CACNA1B: variants seen among roughly 807,000 people sequenced by gnomAD.
The protein encoded by CACNA1B is calcium voltage-gated channel subunit alpha1 B.
CACNA1B carries 70 observed loss-of-function variants against 247.2 expected under a neutral mutation model. That is an observed-to-expected ratio of 0.28 (90% CI 0.23 to 0.35). The LOEUF (loss-of-function observed/expected upper bound fraction) is 0.35, where lower values mean the gene tolerates loss of function less well. Ranked by LOEUF, CACNA1B falls within the 10% of genes least tolerant of loss-of-function variation. The pLI is 1.00. For synonymous variants in CACNA1B, 1,231 were observed against 1,294.4 expected, an observed-to-expected ratio of 0.95 and a Z score of 1.05; for missense variants, 2,367 against 3,197.4, an observed-to-expected ratio of 0.74 and a Z score of 6.26.
At chr9:138,083,499 C>T (rs1478736112) in intron 36 of CACNA1B, among the ~76,000 whole-genome samples, 1 of 150,766 alleles carries the variant, frequency 6.6e-6, no homozygotes, top group African/African-American at 2.5e-5. Context: ...CCCTGCATCC[C>T]AGGAAATGGT....
rs917277334 is a variant in CACNA1B at position 137,986,715 on chromosome 9, G to T, written c.1902-67G>T. 12 of 1,430,950 alleles carry T rather than the reference G, an allele frequency of 8.4e-6. No homozygotes were observed. Among genetic ancestry groups the T allele is most frequent in the African/African-American group, 1.4e-5 (1 of 71,144 alleles). 88.6% of individuals were successfully genotyped at this position (1,430,950 alleles called of 1,614,324 possible). ...GAAGCGAGCAGGTTGAGGCCACGCTGGAGCCTGCAGGCGCTGCCTCGCTGC... is the reference window on the plus strand; with the variant it reads ...GAAGCGAGCAGGTTGAGGCCACGCTTGAGCCTGCAGGCGCTGCCTCGCTGC... On this transcript the variant is annotated intron_variant, in intron 14 of 46. Transcript: ENST00000371372. The surrounding 1 kb of genome is among the most constrained non-coding windows in gnomAD (Gnocchi z 6.0).
intron 40 of CACNA1B, 54 bp downstream of exon 40, chr9:138,112,559 G>C: frequency 8.3e-7 from 1 of 1,202,722 alleles, no homozygotes; most frequent in Non-Finnish European, 1.2e-6. Flanking sequence ...GTCCCACCCA[G>C]AGTGGCTGGA....
At chr9:138,016,573 G>T (rs987721770) in intron 18 of CACNA1B, among the ~76,000 whole-genome samples, 5 of 152,306 alleles carry the variant, frequency 3.3e-5, no homozygotes, top group Non-Finnish European at 7.4e-5. Context: ...AGGTGGGTTC[G>T]GCAGCAGGGA....
chr9:138,023,098 G>A lies in CACNA1B; in HGVS notation c.2355G>A (p.Glu785=). The change falls in exon 19 of 47, where the codon GAG becomes GAA. Residue 785 remains glutamate (E), a synonymous_variant. Coordinates refer to ENST00000371372, the MANE Select transcript of CACNA1B (RefSeq NM_000718.4). ...TGCAGAACCTGCGGGCCAGCTGCGA[G>A]GCGCTGTACAGCGAGATGGACCCCG... ...LRLQNLRASC[E]ALYSEMDPEE... is the part of the protein sequence containing the mutation. 2 of 1,532,484 alleles carry A rather than the reference G, an allele frequency of 1.3e-6. No homozygotes were observed. The highest frequency in any genetic ancestry group is 1.4e-5 in the African/African-American group (1 of 71,504). 94.9% of individuals were successfully genotyped at this position (1,532,484 alleles called of 1,614,324 possible).
chr9:138,039,979 A>G (rs989546631), intron 20 of CACNA1B, among the ~76,000 whole-genome samples: 9 of 152,164 alleles, frequency 5.9e-5, no homozygotes, highest in African/African-American at 2.2e-4. Context: ...GTTTTGTTAC[A>G]TTAGATCTAT....
At chr9:137,911,714 C>T (rs1306239134) in intron 3 of CACNA1B, among the ~76,000 whole-genome samples, 4 of 152,174 alleles carry the variant, frequency 2.6e-5, no homozygotes, top group Admixed American at 6.5e-5. Flanking sequence ...CCACTGTGCC[C>T]GGCCGATATT....
chr9:137,960,219 G>C (rs896327877), intron 10 of CACNA1B, among the ~76,000 whole-genome samples: 2 of 145,542 alleles, frequency 1.4e-5, no homozygotes, highest in Non-Finnish European at 3.0e-5. Context: ...AGGGAAGGTC[G>C]GCCGGAGGGA....
At chr9:138,084,938 C>A (rs1382757652) in intron 36 of CACNA1B, among the ~76,000 whole-genome samples, 2 of 145,678 alleles carry the variant, frequency 1.4e-5, no homozygotes, top group African/African-American at 5.2e-5. Context: ...GGTGACAGAG[C>A]GAGACTCCAT....
rs185109076 is a variant in CACNA1B, at chr9:138,049,324, C to T, written c.3710+9C>T. The T allele has an allele frequency of 5.2e-6, 8 of 1,534,894 alleles. No homozygotes were observed. Among genetic ancestry groups the T allele is most frequent in the African/African-American group, 1.4e-5 (1 of 73,436 alleles). The stretch of plus-strand genomic sequence containing the variant: ...GTGGCGTTTGCTTTCTCGTAAGTAA[C>T]GTTCGCTCTGCTCTGGCTAGGGAGA... On this transcript the variant is annotated intron_variant, in intron 24 of 46. Coordinates refer to ENST00000371372, the MANE Select transcript of CACNA1B (RefSeq NM_000718.4).
At chr9:137,934,429 A>G (rs1197642847) in intron 6 of CACNA1B, among the ~76,000 whole-genome samples, 1 of 152,252 alleles carries the variant, frequency 6.6e-6, no homozygotes, top group African/African-American at 2.4e-5. Flanking sequence ...GACGGGAGGC[A>G]GGACTAGATT....
intron 3 of CACNA1B, among the ~76,000 whole-genome samples, chr9:137,894,557 C>T (rs987624219): frequency 2.3e-4 from 35 of 152,004 alleles, no homozygotes; most frequent in African/African-American, 7.2e-4. Flanking sequence ...TGCAGGCGCC[C>T]GCCACCACGC....
At chr9:137,980,903 T>C (rs764796644) in intron 12 of CACNA1B, among the ~76,000 whole-genome samples, 29 of 152,256 alleles carry the variant, frequency 1.9e-4, no homozygotes, top group Admixed American at 1.3e-4. Flanking sequence ...TCCAATCCAC[T>C]GTTAACTGGC....
intron 37 of CACNA1B, among the ~76,000 whole-genome samples, chr9:138,101,443 G>A (rs1042577127): frequency 6.6e-6 from 1 of 152,252 alleles, no homozygotes; most frequent in South Asian, 2.1e-4. Context: ...AGCTAGCTGG[G>A]TGGGAGATGG....
intron 32 of CACNA1B, among the ~76,000 whole-genome samples, chr9:138,070,899 C>A (rs545891637): frequency 6.6e-6 from 1 of 152,264 alleles, no homozygotes; most frequent in African/African-American, 2.4e-5. Context: ...TTTTTCTGCA[C>A]CTGCTGGGCC....
chr9:138,025,107 C>T lies in CACNA1B; in HGVS notation c.3221C>T (p.Pro1074Leu), dbSNP rs190549473. The T allele has an allele frequency of 1.2e-5, 20 of 1,613,482 alleles. No individual in the cohort carries two copies. The African/African-American group carries it at 2.1e-4, about 17-fold the overall frequency. ...VTRMGSQPPD[P>L]NTIVHIPVML... is the part of the protein sequence containing the mutation. The stretch of plus-strand genomic sequence containing the variant: ...CGCATGGGCAGTCAGCCCCCAGACC[C>T]GAACACTATTGTACATATCCCAGTG... The change falls in exon 20 of 47, where the codon CCG (proline) becomes CTG (leucine). Residue 1074 changes from proline to leucine, a missense_variant. Transcript: ENST00000371372.
Position 138,025,053 on chromosome 9 carries a change from A to G in CACNA1B, c.3167A>G (p.Glu1056Gly), listed in dbSNP as rs201232985. ...TCLQKVEEQP[E>G]DADNQRNVTR... ...CTCCAGAAGGTGGAGGAACAGCCAG[A>G]GGATGCAGACAATCAGCGGAACGTC... The change falls in exon 20 of 47, where the codon GAG becomes GGG. Residue 1056 changes from glutamate to glycine, a missense_variant. This residue lies in a region of CACNA1B where 631 missense variants were observed against 631.1 expected (regional missense o/e 1.00). Coordinates refer to ENST00000371372, the MANE Select transcript of CACNA1B (RefSeq NM_000718.4). The G allele has an allele frequency of 1.6e-5, 26 of 1,611,612 alleles. No individual in the cohort carries two copies. In the South Asian group the frequency reaches 2.4e-4, roughly 15 times the overall value.
At chr9:137,956,712 G>C in intron 8 of CACNA1B, 59 bp from the exon 9 acceptor site, 1 of 1,420,668 alleles carries the variant, frequency 7.0e-7, no homozygotes, top group Non-Finnish European at 9.9e-7. Context: ...ATGTGCCTCT[G>C]TCCTGGGGCA....
chr9:138,046,857 C>T (rs1237537369), intron 21 of CACNA1B, 47 bp from the exon 22 acceptor site: 3 of 1,583,828 alleles, frequency 1.9e-6, no homozygotes, highest in African/African-American at 1.3e-5. Context: ...CAAGGGGTGG[C>T]GCGCCCGGCT....
At chr9:138,074,751 G>A (rs1425862195) in intron 34 of CACNA1B, among the ~76,000 whole-genome samples, 2 of 152,252 alleles carry the variant, frequency 1.3e-5, no homozygotes, top group African/African-American at 4.8e-5. Context: ...AGGTCAGAAT[G>A]GGTGCTGGCT....
Sources: allele counts gnomAD v4.1 joint callset (sites outside exome capture counted in the v4.1 genomes callset), GRCh38; gene constraint gnomAD v4.1.1; regional missense constraint gnomAD v4.1.1; non-coding constraint Gnocchi (gnomAD v3.1); transcripts MANE v1.5; gene names NCBI Gene and HGNC (gene_info 2026-07-23, HGNC 2026-07-21).